Variants in WHR1 observed in about 807,000 individuals in gnomAD.
WHR1 encodes winged helix repair factor 1, also known as MHC class III HLA-RP1.
At chr6:31,971,456 G>C in the WHR1 span, 9 of 1,613,850 alleles carry the variant, frequency 5.6e-6, 1 homozygote, top group South Asian at 9.9e-5. The surrounding 1 kb of genome is among the most constrained non-coding windows in gnomAD (Gnocchi z 4.5). Context: ...CCGTTAGTGG[G>C]GGGTGGGCTA....
chr6:31,980,963 G>A, the WHR1 span: 15 of 618,374 alleles, frequency 2.4e-5, no homozygotes, highest in Admixed American at 3.5e-4. Flanking sequence ...CACAGCTTGA[G>A]CCTAGGCGTC....
At chr6:31,975,958 G>C in the WHR1 span, among the ~76,000 whole-genome samples, 1 of 148,544 alleles carries the variant, frequency 6.7e-6, no homozygotes, top group Admixed American at 6.7e-5. Context: ...GGGCAGAGGG[G>C]CTCCTCACTT....
chr6:31,972,488 C>T, the WHR1 span: 15 of 1,612,186 alleles, frequency 9.3e-6, no homozygotes, highest in Non-Finnish European at 1.0e-5. This position sits in a 1 kb window ranked among gnomAD's most constrained non-coding sequence, Gnocchi z 6.3. Flanking sequence ...CCTGTGGAGT[C>T]GGATCCTCTT....
At chr6:31,976,407 G>C in the WHR1 span, among the ~76,000 whole-genome samples, 1 of 151,712 alleles carries the variant, frequency 6.6e-6, no homozygotes. Context: ...TCCCAGACGG[G>C]GTCGCGGCCG....
chr6:31,971,202 C>T, the WHR1 span: 1 of 1,583,382 alleles, frequency 6.3e-7, no homozygotes, highest in Non-Finnish European at 8.6e-7. This position sits in a 1 kb window ranked among gnomAD's most constrained non-coding sequence, Gnocchi z 4.5. Context: ...GTGAGATGCT[C>T]CCCTCGAAGA....
chr6:31,972,393 T>C, the WHR1 span: 1 of 1,612,938 alleles, frequency 6.2e-7, no homozygotes, highest in Non-Finnish European at 8.5e-7. The surrounding 1 kb of genome is among the most constrained non-coding windows in gnomAD (Gnocchi z 6.3). Flanking sequence ...CCTTCCCCGG[T>C]ACCATAAAAT....
At chr6:31,971,310 C>G in the WHR1 span, 1 of 1,538,126 alleles carries the variant, frequency 6.5e-7, no homozygotes. The surrounding 1 kb of genome is among the most constrained non-coding windows in gnomAD (Gnocchi z 4.5). Context: ...GCCTACCACG[C>G]TTTGCTCACC....
the WHR1 span, among the ~76,000 whole-genome samples, chr6:31,975,926 C>G: frequency 6.6e-6 from 1 of 151,060 alleles, no homozygotes; most frequent in African/African-American, 2.4e-5. Context: ...CCCCACCTCC[C>G]TCCCGGACGG....
chr6:31,978,791 A>G, the WHR1 span: 1 of 893,304 alleles, frequency 1.1e-6, no homozygotes, highest in Non-Finnish European at 1.7e-6. Context: ...CTTTACTAAG[A>G]GAAAATGCCC....
the WHR1 span, chr6:31,979,043 T>C: frequency 6.3e-6 from 10 of 1,588,710 alleles, no homozygotes; most frequent in South Asian, 1.1e-5. Flanking sequence ...AGGGCACAGG[T>C]TGGGGGAGAC....
At chr6:31,978,656 C>T in the WHR1 span, among the ~76,000 whole-genome samples, 5 of 152,140 alleles carry the variant, frequency 3.3e-5, no homozygotes, top group African/African-American at 7.2e-5. Flanking sequence ...ATCTTAGTGC[C>T]TGGTCTTAGA....
At chr6:31,971,220 T>C in the WHR1 span, 1 of 1,569,972 alleles carries the variant, frequency 6.4e-7, no homozygotes, top group Non-Finnish European at 8.7e-7. This position sits in a 1 kb window ranked among gnomAD's most constrained non-coding sequence, Gnocchi z 4.5. Context: ...AGAATAGTCT[T>C]GTTTCTTCTA....
the WHR1 span, among the ~76,000 whole-genome samples, chr6:31,975,857 C>T: frequency 1.4e-3 from 202 of 148,066 alleles, 4 homozygotes; most frequent in East Asian, 0.039. Context: ...CAGGGGCGGC[C>T]GGGCAGAGGC....
chr6:31,979,082 A>T, the WHR1 span: 6 of 1,442,568 alleles, frequency 4.2e-6, no homozygotes, highest in Non-Finnish European at 5.8e-6. Flanking sequence ...AAATAAAAAC[A>T]AAAGAAAGAA....
chr6:31,973,308 G>T, the WHR1 span: 1 of 265,274 alleles, frequency 3.8e-6, no homozygotes, highest in Admixed American at 4.8e-5. Context: ...TTAGTTGTTG[G>T]ACTACAGATA....
the WHR1 span, among the ~76,000 whole-genome samples, chr6:31,977,461 C>T: frequency 6.6e-6 from 1 of 151,760 alleles, no homozygotes; most frequent in Non-Finnish European, 1.5e-5. Context: ...CCCGCCTCAG[C>T]CTCCCGAGTA....
the WHR1 span, chr6:31,971,936 C>A: frequency 9.0e-6 from 14 of 1,548,094 alleles, no homozygotes; most frequent in Non-Finnish European, 1.1e-5. The surrounding 1 kb of genome is among the most constrained non-coding windows in gnomAD (Gnocchi z 4.5). Context: ...TACCTCAAAG[C>A]TCCCCAACTT....
chr6:31,979,027 G>T, the WHR1 span: 3 of 1,605,048 alleles, frequency 1.9e-6, no homozygotes, highest in African/African-American at 2.7e-5. Flanking sequence ...CAGGGGTGCT[G>T]GGGGGAGGGC....
chr6:31,980,746 C>T, the WHR1 span: 22 of 1,605,874 alleles, frequency 1.4e-5, no homozygotes, highest in South Asian at 3.3e-5. Flanking sequence ...TGTCGTGGTG[C>T]GGCTTGGCCT....
Sources: gnomAD v4.1 joint callset for allele counts (sites outside exome capture counted in the v4.1 genomes callset) on GRCh38, gnomAD v4.1.1 for gene constraint, Gnocchi (gnomAD v3.1) non-coding constraint, MANE v1.5 for transcripts, NCBI Gene and HGNC (gene_info 2026-07-23, HGNC 2026-07-21) for gene names.